Variants in LRRC4C observed in about 807,000 individuals in gnomAD.
The protein encoded by LRRC4C is leucine-rich repeat-containing protein 4C.
Under a neutral mutation model 33.6 loss-of-function variants are expected in LRRC4C, and 5 were observed. The ratio of observed to expected loss-of-function variants is 0.15; its 90% CI spans 0.08 to 0.31. The LOEUF is 0.31. LRRC4C is among the 10% of genes least tolerant of loss of function. The probability of loss-of-function intolerance (pLI) is 1.00; values close to 1 mark genes in which losing one functional copy is unlikely to be tolerated. For synonymous variants in LRRC4C, 329 were observed against 302.0 expected, an observed-to-expected ratio of 1.09 and a Z score of -0.93; for missense variants, 560 against 796.7, an observed-to-expected ratio of 0.70 and a Z score of 3.58.
chr11:40,775,743 T>C (rs142089371), intron 2 of LRRC4C, among the ~76,000 whole-genome samples: 1 of 152,318 alleles, frequency 6.6e-6, no homozygotes, highest in East Asian at 1.9e-4. Context: ...TGACTTTTGC[T>C]TTTTCTATTT....
At chr11:40,372,924 AT>A (rs927810307) in intron 3 of LRRC4C, among the ~76,000 whole-genome samples, 2 of 151,700 alleles carry the variant, frequency 1.3e-5, no homozygotes, top group African/African-American at 4.8e-5. Flanking sequence ...ATAATTTGGG[AT>A]TTTTTTTTAA....
chr11:40,329,201 T>C (rs924697351), intron 3 of LRRC4C, among the ~76,000 whole-genome samples: 2 of 152,208 alleles, frequency 1.3e-5, no homozygotes, highest in Non-Finnish European at 2.9e-5. Context: ...GTTAGTTCTG[T>C]AAAGAGCTGG....
Position 40,702,619 on chromosome 11 carries a change from A to G in LRRC4C, c.-406-54341T>C, listed in dbSNP as rs141744222. On this transcript the variant is annotated intron_variant, in intron 2 of 6. Coordinates refer to ENST00000528697, the MANE Select transcript of LRRC4C (RefSeq NM_001258419.2). The stretch of plus-strand genomic sequence containing the variant: ...ATGTTTCCCTGTCCTCATGAGCACA[A>G]TTTTGTCTTGGCCAAGCTGATTTCT... Among the ~76,000 whole-genome samples, 115 of 152,180 alleles carry G rather than the reference A, an allele frequency of 7.6e-4. 1 individual carries two copies. In the East Asian group the frequency reaches 0.021, roughly 28 times the overall value.
At chr11:40,559,181 CTTT>C (rs71060968) in intron 3 of LRRC4C, among the ~76,000 whole-genome samples, 62 of 124,630 alleles carry the variant, frequency 5.0e-4, no homozygotes, top group South Asian at 2.7e-3. Flanking sequence ...TTGCATGCGT[CTTT>C]TTTTTTTTTT....
chr11:41,344,320 A>G (rs1164251450), intron 1 of LRRC4C, among the ~76,000 whole-genome samples: 1 of 146,380 alleles, frequency 6.8e-6, no homozygotes, highest in Non-Finnish European at 1.5e-5. Flanking sequence ...TCCCGGGTTC[A>G]TGCCATTCTC....
intron 2 of LRRC4C, among the ~76,000 whole-genome samples, chr11:40,869,699 C>A (rs998355013): frequency 6.6e-6 from 1 of 152,092 alleles, no homozygotes; most frequent in Non-Finnish European, 1.5e-5. Context: ...CACATGTGGA[C>A]AGCTCACCCC....
intron 1 of LRRC4C, among the ~76,000 whole-genome samples, chr11:41,059,026 A>T (rs1403155713): frequency 6.6e-6 from 1 of 152,076 alleles, no homozygotes; most frequent in African/African-American, 2.4e-5. Flanking sequence ...GACACAAACT[A>T]GGGAACAATA....
intron 2 of LRRC4C, among the ~76,000 whole-genome samples, chr11:40,781,588 C>T (rs1398510837): frequency 6.6e-6 from 1 of 152,164 alleles, no homozygotes; most frequent in Non-Finnish European, 1.5e-5. Context: ...AGTTCCTTTA[C>T]CTACAAGCAC....
chr11:40,318,198 A>C (rs548585575), intron 4 of LRRC4C, among the ~76,000 whole-genome samples: 1 of 152,244 alleles, frequency 6.6e-6, no homozygotes, highest in Admixed American at 6.5e-5. Context: ...TATTCCTTGT[A>C]ATATGTATTT....
At chr11:41,443,224 T>C (rs1029102249) in intron 1 of LRRC4C, among the ~76,000 whole-genome samples, 10 of 152,044 alleles carry the variant, frequency 6.6e-5, no homozygotes, top group Middle Eastern at 3.4e-3. Flanking sequence ...GAAACAAATT[T>C]TGTACAGGCA....
intron 2 of LRRC4C, among the ~76,000 whole-genome samples, chr11:40,908,167 G>A (rs911152540): frequency 1.3e-5 from 2 of 152,002 alleles, no homozygotes; most frequent in Non-Finnish European, 2.9e-5. Flanking sequence ...ACGTACCTGA[G>A]TAAAAGAATA....
chr11:40,695,608 G>A (rs937108781), intron 2 of LRRC4C, among the ~76,000 whole-genome samples: 5 of 152,126 alleles, frequency 3.3e-5, no homozygotes, highest in African/African-American at 9.7e-5. Context: ...CTAAAGTCAC[G>A]ATGGCAGCAC....
chr11:40,536,193 T>A (rs893627027), intron 3 of LRRC4C, among the ~76,000 whole-genome samples: 5 of 152,186 alleles, frequency 3.3e-5, no homozygotes, highest in Non-Finnish European at 7.3e-5. Context: ...AGCCTCTTTT[T>A]TTTTTCTTTT....
chr11:41,034,348 G>A (rs1216067421), intron 1 of LRRC4C, among the ~76,000 whole-genome samples: 4 of 150,580 alleles, frequency 2.7e-5, no homozygotes, highest in South Asian at 2.1e-4. Flanking sequence ...CTCCAAAACT[G>A]TACAAAAAGA....
chr11:41,452,232 T>C (rs1956050649), intron 1 of LRRC4C, among the ~76,000 whole-genome samples: 1 of 152,152 alleles, frequency 6.6e-6, no homozygotes, highest in Non-Finnish European at 1.5e-5. Flanking sequence ...TTGGCCTTTG[T>C]TTCTGTGACT....
chr11:40,629,657 A>G (rs1963282701), intron 3 of LRRC4C, among the ~76,000 whole-genome samples: 1 of 152,192 alleles, frequency 6.6e-6, no homozygotes, highest in Non-Finnish European at 1.5e-5. Flanking sequence ...AAGAACATTG[A>G]GTATAGGCAC....
chr11:40,324,522 T>G (rs895898124), intron 3 of LRRC4C, among the ~76,000 whole-genome samples: 1 of 152,200 alleles, frequency 6.6e-6, no homozygotes, highest in African/African-American at 2.4e-5. Context: ...ATCTGAGTTC[T>G]ACCACCCTCA....
At chr11:40,823,825 C>T (rs1232857770) in intron 2 of LRRC4C, among the ~76,000 whole-genome samples, 2 of 151,794 alleles carry the variant, frequency 1.3e-5, no homozygotes, top group Admixed American at 1.3e-4. Flanking sequence ...AAACTCCACT[C>T]TTAAAATCTA....
chr11:40,395,583 T>G (rs1464203935), intron 3 of LRRC4C, among the ~76,000 whole-genome samples: 2 of 152,198 alleles, frequency 1.3e-5, no homozygotes, highest in African/African-American at 4.8e-5. Flanking sequence ...GTATACAGAC[T>G]TGAAGATATC....
Sources: gnomAD v4.1 joint callset for allele counts (sites outside exome capture counted in the v4.1 genomes callset) on GRCh38, gnomAD v4.1.1 for gene constraint, MANE v1.5 for transcripts, NCBI Gene and HGNC (gene_info 2026-07-23, HGNC 2026-07-21) for gene names.